The following NLGN1 variants were observed in gnomAD, a reference collection of about 807,000 sequenced individuals.
The protein encoded by NLGN1 is neuroligin-1.
In NLGN1, 12 loss-of-function variants were observed where a neutral mutation model predicts 65.5. That is an observed-to-expected ratio of 0.18 (90% confidence interval 0.12 to 0.30). The LOEUF (loss-of-function observed/expected upper bound fraction) is 0.30, where lower values mean the gene tolerates loss of function less well. Ranked by LOEUF, NLGN1 falls within the 10% of genes least tolerant of loss-of-function variation. NLGN1 has a pLI of 1.00. For synonymous variants in NLGN1, 350 were observed against 359.5 expected (o/e 0.97, Z 0.30); for missense variants, 750 against 1,007.1 (o/e 0.74, Z 3.46).
At chr3:174,167,528 A>G (rs1013518040) in intron 4 of NLGN1, among the ~76,000 whole-genome samples, 2 of 149,532 alleles carry the variant, frequency 1.3e-5, no homozygotes, top group Admixed American at 1.3e-4. Flanking sequence ...CTCTTGGCTT[A>G]TAAGGTTTCT....
At chr3:173,578,539 T>G (rs1022241293) in intron 2 of NLGN1, among the ~76,000 whole-genome samples, 1 of 152,196 alleles carries the variant, frequency 6.6e-6, no homozygotes, top group African/African-American at 2.4e-5. Flanking sequence ...TGGTTTCCCA[T>G]CCTATTAGGT....
chr3:173,843,987 A>G (rs374630647), intron 4 of NLGN1, among the ~76,000 whole-genome samples: 1 of 152,352 alleles, frequency 6.6e-6, no homozygotes, highest in African/African-American at 2.4e-5. Context: ...ATAGTTCCAC[A>G]TGGCTGGGGA....
rs111482147 is a variant in NLGN1 at position 173,725,932 on chromosome 3, A to G, written c.494-81748A>G. Among the ~76,000 whole-genome samples the G allele has an allele frequency of 1.1e-3, 165 of 152,188 alleles. 2 individuals carry two copies. The highest frequency in any genetic ancestry group is 3.7e-3 in the African/African-American group (152 of 41,546). On this transcript the variant is annotated intron_variant, in intron 3 of 6. Transcript: ENST00000457714. ...TGTTCCTTGCCATGTGACCCTCTCT[A>G]TAGGCAGTTCAGTGCATGCTCACCT... is the stretch of plus-strand genomic sequence containing the variant.
At chr3:173,707,689 CAGAA>C (rs1296191080) in intron 3 of NLGN1, among the ~76,000 whole-genome samples, 1 of 151,894 alleles carries the variant, frequency 6.6e-6, no homozygotes, top group Non-Finnish European at 1.5e-5. Flanking sequence ...TTAGTGAAAA[CAGAA>C]AGAAAAATAA....
chr3:173,807,918 T>C, intron 4 of NLGN1, 86 bp downstream of exon 4: 1 of 1,371,254 alleles, frequency 7.3e-7, no homozygotes, highest in Non-Finnish European at 1.0e-6. Context: ...CTGCTTTGCT[T>C]TGTTTCACCC....
chr3:173,469,830 T>C (rs1287304365), intron 2 of NLGN1, among the ~76,000 whole-genome samples: 1 of 151,950 alleles, frequency 6.6e-6, no homozygotes, highest in African/African-American at 2.4e-5. Flanking sequence ...TGGAAGTAAT[T>C]TAAAATTTAT....
exon 7 of NLGN1, chr3:174,286,131 G>C (rs1752086570): frequency 6.6e-6 from 1 of 151,140 alleles, no homozygotes; most frequent in Non-Finnish European, 1.5e-5. Flanking sequence ...TTTTTTTCTA[G>C]TCAGCTATTA....
At chr3:173,996,681 C>T (rs1370785008) in intron 4 of NLGN1, among the ~76,000 whole-genome samples, 2 of 152,146 alleles carry the variant, frequency 1.3e-5, no homozygotes, top group African/African-American at 4.8e-5. Context: ...CATTTCAAAT[C>T]AATTCATAAT....
intron 4 of NLGN1, among the ~76,000 whole-genome samples, chr3:173,810,328 A>G (rs973974993): frequency 6.6e-6 from 1 of 152,192 alleles, no homozygotes; most frequent in African/African-American, 2.4e-5. Context: ...AACAGTAAAA[A>G]GGTAAGCCAA....
chr3:173,865,465 C>A (rs1352986805), intron 4 of NLGN1, among the ~76,000 whole-genome samples: 1 of 152,032 alleles, frequency 6.6e-6, no homozygotes, highest in African/African-American at 2.4e-5. Context: ...TGTTAGAAAC[C>A]ATTCTAAGTG....
intron 3 of NLGN1, among the ~76,000 whole-genome samples, chr3:173,804,961 G>A (rs367937225): frequency 6.6e-6 from 1 of 152,160 alleles, no homozygotes; most frequent in Non-Finnish European, 1.5e-5. Flanking sequence ...TGGAGGTGGA[G>A]GTTGCAATGA....
chr3:173,833,764 G>A (rs1473348559), intron 4 of NLGN1, among the ~76,000 whole-genome samples: 1 of 152,114 alleles, frequency 6.6e-6, no homozygotes, highest in Non-Finnish European at 1.5e-5. Context: ...GCCTCCCAAA[G>A]TGCTGAGATT....
chr3:173,923,582 G>A (rs1742465113), intron 4 of NLGN1, among the ~76,000 whole-genome samples: 1 of 152,024 alleles, frequency 6.6e-6, no homozygotes, highest in Non-Finnish European at 1.5e-5. Flanking sequence ...AAGAAATTTT[G>A]AGAAAATATT....
At chr3:173,762,969 C>T (rs1408030581) in intron 3 of NLGN1, among the ~76,000 whole-genome samples, 4 of 145,820 alleles carry the variant, frequency 2.7e-5, no homozygotes, top group African/African-American at 1.1e-4. Context: ...CTCTGATACA[C>T]ACACACACAC....
chr3:174,035,367 T>C (rs927297091), intron 4 of NLGN1, among the ~76,000 whole-genome samples: 8 of 152,206 alleles, frequency 5.3e-5, no homozygotes, highest in Non-Finnish European at 1.0e-4. Context: ...TATTCAAAAC[T>C]GCTGACACTG....
intron 3 of NLGN1, among the ~76,000 whole-genome samples, chr3:173,802,542 T>A (rs1173880209): frequency 6.6e-6 from 1 of 152,232 alleles, no homozygotes; most frequent in African/African-American, 2.4e-5. Context: ...AGAGCATTTT[T>A]AACTCAATTC....
In NLGN1 at chr3:173,901,376, TG is replaced by T. The variant is rs1560590880; in HGVS notation, c.646+93545del. On this transcript the variant is annotated intron_variant, in intron 4 of 6. Transcript: ENST00000457714. ...CTAGTATTTTTTTTGGGGGGGTGTGTGTGTGTGTGTTTAAAAACAGTGGCTT... is the reference window on the plus strand; with the variant it reads ...CTAGTATTTTTTTTGGGGGGGTGTGTTGTGTGTGTTTAAAAACAGTGGCTT... Among the ~76,000 whole-genome samples, 45 of 141,904 alleles carry T rather than the reference TG, an allele frequency of 3.2e-4. 1 individual carries two copies. The highest frequency in any genetic ancestry group is 1.1e-3 in the African/African-American group (43 of 40,334). 93.1% of individuals were successfully genotyped at this position (141,904 alleles called of 152,430 possible).
intron 4 of NLGN1, among the ~76,000 whole-genome samples, chr3:174,186,202 C>A (rs1185362443): frequency 6.6e-6 from 1 of 152,036 alleles, no homozygotes; most frequent in Non-Finnish European, 1.5e-5. Flanking sequence ...GTTTGAGAAA[C>A]CTGTGTTATT....
intron 4 of NLGN1, among the ~76,000 whole-genome samples, chr3:174,265,871 T>C (rs1028411242): frequency 2.0e-5 from 3 of 146,650 alleles, no homozygotes; most frequent in African/African-American, 7.5e-5. Context: ...GAGTATTTTG[T>C]TATAATATAT....
Sources: gnomAD v4.1 joint callset for allele counts (sites outside exome capture counted in the v4.1 genomes callset) on GRCh38, gnomAD v4.1.1 for gene constraint, MANE v1.5 for transcripts, NCBI Gene and HGNC (gene_info 2026-07-23, HGNC 2026-07-21) for gene names.